TRIP12: variants seen among roughly 807,000 people sequenced by gnomAD.
TRIP12 encodes the protein thyroid hormone receptor interactor 12.
In TRIP12, 25 loss-of-function variants were observed where a neutral mutation model predicts 244.2. That is an observed-to-expected ratio of 0.10 (90% CI 0.07 to 0.14). The LOEUF (loss-of-function observed/expected upper bound fraction) is 0.14. Among genes scored for constraint, TRIP12 ranks in the 10% least tolerant of loss-of-function variants. The pLI is 1.00. For synonymous variants in TRIP12, 905 were observed against 873.1 expected, an observed-to-expected ratio of 1.04 and a Z score of -0.64; for missense variants, 1,677 against 2,486.4, an observed-to-expected ratio of 0.67 and a Z score of 6.92.
intron 29 of TRIP12, 71 bp from the exon 30 acceptor site, chr2:229,791,322 C>T: frequency 1.3e-6 from 2 of 1,515,570 alleles, no homozygotes; most frequent in Non-Finnish European, 1.8e-6. Flanking sequence ...ATCTAAGCCA[C>T]AGACACCACA....
intron 1 of TRIP12, among the ~76,000 whole-genome samples, chr2:229,881,132 C>T (rs763264071): frequency 1.3e-5 from 2 of 152,174 alleles, no homozygotes; most frequent in Non-Finnish European, 2.9e-5. Context: ...AAAACCAGTA[C>T]GTTACCTACC....
chr2:229,787,161 A>C (rs2040302468), intron 33 of TRIP12, among the ~76,000 whole-genome samples: 1 of 152,246 alleles, frequency 6.6e-6, no homozygotes, highest in Admixed American at 6.5e-5. Flanking sequence ...ATAAGGGATC[A>C]ATTTTTAAAG....
In TRIP12 at chr2:229,765,889, T is replaced by C. The variant is rs2031555941; in HGVS notation, c.*1665A>G. 1 of 152,156 alleles carries C rather than the reference T, an allele frequency of 6.6e-6. No homozygotes were observed. The highest frequency in any genetic ancestry group is 2.1e-4 in the South Asian group (1 of 4,828). 9.4% of individuals were successfully genotyped at this position (152,156 alleles called of 1,614,324 possible). On this transcript the variant is annotated 3_prime_UTR_variant, in exon 42 of 42. Coordinates refer to ENST00000675903, the MANE Select transcript of TRIP12 (RefSeq NM_001348323.3). ...AGGGAGAGAATTCTCTGCCCCCAAC[T>C]CCTCTGACAGTTCCCTTCCACTTAA... is the stretch of plus-strand genomic sequence containing the variant.
At chr2:229,892,879 T>A (rs561628618) in intron 1 of TRIP12, among the ~76,000 whole-genome samples, 23 of 151,694 alleles carry the variant, frequency 1.5e-4, no homozygotes, top group African/African-American at 5.6e-4. Flanking sequence ...AAAATAAAAA[T>A]AAAAAATAAA....
chr2:229,795,173 C>A lies in TRIP12; in HGVS notation c.3968+6G>T. On this transcript the variant is annotated splice_donor_region_variant and intron_variant, in intron 26 of 41. Coordinates refer to ENST00000675903, the MANE Select transcript of TRIP12 (RefSeq NM_001348323.3). ...GGCAAGGGTATAGCCAGGCAATGGT[C>A]CTTACCTGCCTCCTGTCCCATTTCC... 6.2e-7 allele frequency: 1 copy of A among 1,613,166 alleles called. No homozygotes were observed. Among genetic ancestry groups the A allele is most frequent in the Non-Finnish European group, 8.5e-7 (1 of 1,179,536 alleles).
intron 31 of TRIP12, 77 bp downstream of exon 31, chr2:229,789,534 T>G: frequency 6.5e-7 from 1 of 1,530,412 alleles, no homozygotes. Flanking sequence ...GCTGAATCAC[T>G]GTTTCCATTT....
intron 19 of TRIP12, 126 bp downstream of exon 19, chr2:229,803,870 CAAA>C: frequency 3.3e-6 from 3 of 902,456 alleles, no homozygotes; most frequent in Non-Finnish European, 5.0e-6. Flanking sequence ...TATAAATAGA[CAAA>C]AAAGAGCTCA....
At chr2:229,918,255 A>T (rs2075876607) in intron 1 of TRIP12, among the ~76,000 whole-genome samples, 1 of 152,204 alleles carries the variant, frequency 6.6e-6, no homozygotes, top group Non-Finnish European at 1.5e-5. Flanking sequence ...TAAATGAGGG[A>T]AAAGTCCATG....
At chr2:229,771,820 C>T (rs144329591) in intron 38 of TRIP12, among the ~76,000 whole-genome samples, 188 bp from the exon 39 acceptor site, 12 of 152,138 alleles carry the variant, frequency 7.9e-5, no homozygotes, top group East Asian at 5.8e-4. Flanking sequence ...TAATGTGGGG[C>T]CCCTACCAAT....
intron 1 of TRIP12, among the ~76,000 whole-genome samples, chr2:229,892,139 T>C (rs1437417071): frequency 6.6e-6 from 1 of 152,152 alleles, no homozygotes; most frequent in East Asian, 1.9e-4. Context: ...ATAAACAAAC[T>C]ATATGCACAT....
At chr2:229,846,014 C>CAA (rs34840494) in intron 4 of TRIP12, among the ~76,000 whole-genome samples, 29,968 of 117,164 alleles carry the variant, frequency 0.26, 4,156 homozygotes, top group Middle Eastern at 0.39. Context: ...CTCTTTTTTT[C>CAA]AAAAAAAAAA....
chr2:229,920,529 A>T (rs1577262808), intron 1 of TRIP12, among the ~76,000 whole-genome samples: 2 of 152,106 alleles, frequency 1.3e-5, no homozygotes, highest in East Asian at 3.9e-4. Flanking sequence ...TAACTAAAGA[A>T]GCAATTAAAC....
At position 229,777,622 on chromosome 2, in the gene TRIP12, C is replaced by G. The variant is rs1374167592; in HGVS notation, c.5365-143G>C. On this transcript the variant is annotated intron_variant, in intron 36 of 41. Coordinates refer to ENST00000675903, the MANE Select transcript of TRIP12 (RefSeq NM_001348323.3). Reference sequence around the variant, plus strand: ...AAAATTCTGTAGTTACAAACTATTTCTCCCACTACACAAAATTGATTCTCT... The same window carrying G: ...AAAATTCTGTAGTTACAAACTATTTGTCCCACTACACAAAATTGATTCTCT... 3.8e-6 allele frequency: 3 copies of G among 795,170 alleles called. No individual in the cohort carries two copies. In the African/African-American group the frequency reaches 5.2e-5, roughly 14 times the overall value. 49.3% of individuals were successfully genotyped at this position (795,170 alleles called of 1,614,324 possible). A position where few individuals can be genotyped will look rare whatever the true frequency, so the allele number is the denominator to read the frequency against.
chr2:229,918,936 T>A (rs551057805), intron 1 of TRIP12, among the ~76,000 whole-genome samples: 1 of 152,132 alleles, frequency 6.6e-6, no homozygotes, highest in Admixed American at 6.6e-5. Context: ...GATTACCCAC[T>A]CCCATTTTAC....
intron 38 of TRIP12, among the ~76,000 whole-genome samples, chr2:229,772,613 A>G (rs896955787): frequency 2.6e-5 from 4 of 152,090 alleles, no homozygotes; most frequent in African/African-American, 9.6e-5. Context: ...ACAGGCGTGC[A>G]CCACCACGCC....
chr2:229,884,241 T>C (rs1299206262), intron 1 of TRIP12, among the ~76,000 whole-genome samples: 7 of 147,522 alleles, frequency 4.7e-5, no homozygotes, highest in African/African-American at 9.9e-5. Flanking sequence ...CTTTTCTTTT[T>C]TTTTTTTTTT....
intron 1 of TRIP12, among the ~76,000 whole-genome samples, chr2:229,916,405 T>A (rs1268639003): frequency 6.6e-6 from 1 of 152,136 alleles, no homozygotes; most frequent in Non-Finnish European, 1.5e-5. Flanking sequence ...AGCATAACCA[T>A]GATAGCCAAG....
At chr2:229,852,364 A>T (rs16826410) in intron 4 of TRIP12, among the ~76,000 whole-genome samples, 1,671 of 151,812 alleles carry the variant, frequency 0.011, 27 homozygotes, top group African/African-American at 0.038. Flanking sequence ...ATTATTGCAA[A>T]TTTTTTTTTA....
At chr2:229,920,429 A>G (rs1166260716) in intron 1 of TRIP12, among the ~76,000 whole-genome samples, 3 of 152,090 alleles carry the variant, frequency 2.0e-5, no homozygotes, top group Non-Finnish European at 4.4e-5. Flanking sequence ...TTAGACGTCC[A>G]CTTAGAACGG....
Sources: allele counts gnomAD v4.1 joint callset (sites outside exome capture counted in the v4.1 genomes callset), GRCh38; gene constraint gnomAD v4.1.1; transcripts MANE v1.5; gene names NCBI Gene and HGNC (gene_info 2026-07-23, HGNC 2026-07-21).